Variants in ZNF814 observed in about 807,000 individuals in gnomAD.
ZNF814 encodes zinc finger protein 814.
In ZNF814, 5 loss-of-function variants were observed where a neutral mutation model predicts 7.5. The ratio of observed to expected loss-of-function variants is 0.67; its 90% CI spans 0.35 to 1.40. ZNF814 has a LOEUF of 1.40. ZNF814 is among the 40% of genes most tolerant of loss of function. The pLI, the probability that ZNF814 is intolerant of heterozygous loss-of-function variation, is 0.04. For synonymous variants in ZNF814, 315 were observed against 340.7 expected (o/e 0.92, Z 0.83); for missense variants, 962 against 1,018.0 (o/e 0.94, Z 0.75).
chr19:57,900,752 A>G, the ZNF814 span, among the ~76,000 whole-genome samples: 309 of 151,126 alleles, frequency 2.0e-3, 1 homozygote, highest in Non-Finnish European at 4.1e-3. Flanking sequence ...ATGTTAAAAA[A>G]CCTTTTTTTT....
the ZNF814 span, among the ~76,000 whole-genome samples, chr19:57,901,050 G>GGA: frequency 3.3e-5 from 5 of 151,074 alleles, no homozygotes; most frequent in African/African-American, 1.2e-4. Flanking sequence ...GGGTTTCACC[G>GGA]TGGTCTTGAT....
At chr19:57,878,109 T>C (rs948198477) in intron 1 of ZNF814, among the ~76,000 whole-genome samples, 1 of 141,778 alleles carries the variant, frequency 7.1e-6, no homozygotes, top group African/African-American at 2.7e-5. Flanking sequence ...GAAGTTGCAG[T>C]GAGCCGAGAT....
intron 1 of ZNF814, among the ~76,000 whole-genome samples, chr19:57,879,919 C>T (rs1323003061): frequency 8.2e-6 from 1 of 121,484 alleles, no homozygotes; most frequent in Admixed American, 9.1e-5. Context: ...CGGTGAAAAA[C>T]TCTGTCTCTA....
upstream of ZNF814, among the ~76,000 whole-genome samples, chr19:57,893,892 C>T (rs1041066099): frequency 6.8e-6 from 1 of 147,542 alleles, no homozygotes; most frequent in Non-Finnish European, 1.5e-5. Context: ...TGCACTCCAG[C>T]GTGGGTGGCA....
At chr19:57,878,166 CAAA>C (rs60614715) in intron 1 of ZNF814, among the ~76,000 whole-genome samples, 191 of 88,382 alleles carry the variant, frequency 2.2e-3, no homozygotes, top group African/African-American at 3.4e-3. Context: ...AACTCTGTCT[CAAA>C]AAAAAAAAAA....
chr19:57,876,567 C>G, intron 2 of ZNF814: 1 of 395,618 alleles, frequency 2.5e-6, no homozygotes, highest in Non-Finnish European at 4.5e-6. Context: ...GAAGGCAATT[C>G]CTGCCACAGG....
At chr19:57,891,835 C>T (rs980789325), upstream of ZNF814, among the ~76,000 whole-genome samples, 16 of 152,226 alleles carry the variant, frequency 1.1e-4, no homozygotes, top group African/African-American at 3.9e-4. Context: ...CTCACTGCAA[C>T]CTCCACCTCC....
At chr19:57,903,651 C>T in the ZNF814 span, among the ~76,000 whole-genome samples, 1 of 152,186 alleles carries the variant, frequency 6.6e-6, no homozygotes, top group African/African-American at 2.4e-5. Context: ...TTCAGCGAGG[C>T]AGCCAATGGG....
In ZNF814 at chr19:57,873,289, A is replaced by C. The variant is rs764880032; in HGVS notation, c.2101T>G (p.Ser701Ala). The change falls in exon 3 of 3, where the codon TCT becomes GCT. Residue 701 changes from serine (S) to alanine (A), a missense_variant. Ser to Ala is a moderately conservative substitution (Grantham distance 99, BLOSUM62 1). Coordinates refer to ENST00000435989, the MANE Select transcript of ZNF814 (RefSeq NM_001144989.2). ...RECGKLFKKK[S>A]HLLVHQRIHN... ...ATTCTCTGGTGTACAAGGAGGTGAG[A>C]CTTCTTCTTAAATAATTTTCCACAT... The C allele has an allele frequency of 1.3e-6, 2 of 1,592,342 alleles. No individual in the cohort carries two copies. Among genetic ancestry groups the C allele is most frequent in the Non-Finnish European group, 1.7e-6 (2 of 1,168,780 alleles).
At chr19:57,895,167 G>A in the ZNF814 span, among the ~76,000 whole-genome samples, 3 of 152,192 alleles carry the variant, frequency 2.0e-5, no homozygotes, top group South Asian at 6.2e-4. Flanking sequence ...TTACTGAGAG[G>A]GGCCTCTAAC....
rs914785725 is a variant in ZNF814 at position 57,889,001 on chromosome 19, A to G, written c.-199T>C. ...CCACAGTGCGGACCTAGCGCTCAGG[A>G]GCCTCTCCTACAAATAAATCCAACA... On this transcript the variant is annotated 5_prime_UTR_variant, in exon 1 of 3. Transcript: ENST00000435989. 3.4e-6 allele frequency: 2 copies of G among 588,306 alleles called. No individual in the cohort carries two copies. The highest frequency in any genetic ancestry group is 2.2e-5 in the South Asian group (1 of 44,556). 36.4% of individuals were successfully genotyped at this position (588,306 alleles called of 1,614,324 possible).
intron 1 of ZNF814, among the ~76,000 whole-genome samples, chr19:57,887,667 C>T (rs2071703833): frequency 6.6e-6 from 1 of 152,150 alleles, no homozygotes; most frequent in Non-Finnish European, 1.5e-5. Context: ...ACATTAAGGA[C>T]TCCTTACCCA....
At chr19:57,901,688 G>A in the ZNF814 span, 8 of 274,478 alleles carry the variant, frequency 2.9e-5, no homozygotes, top group Non-Finnish European at 4.0e-5. Context: ...GGACAAATCA[G>A]GAAACTGGCA....
chr19:57,884,495 G>C (rs2071673526), intron 1 of ZNF814, among the ~76,000 whole-genome samples: 1 of 152,158 alleles, frequency 6.6e-6, no homozygotes, highest in South Asian at 2.1e-4. Context: ...CATGCCTGTG[G>C]TGGTCCCTGC....
rs1020806477 is a variant in ZNF814 at position 57,871,184 on chromosome 19, A to G, written c.*1638T>C. 6.6e-6 allele frequency: 1 copy of G among 152,226 alleles called. No individual in the cohort carries two copies. The highest frequency in any genetic ancestry group is 1.5e-5 in the Non-Finnish European group (1 of 68,046). 9.4% of individuals were successfully genotyped at this position (152,226 alleles called of 1,614,324 possible). Reference sequence around the variant, plus strand: ...TGGGCAACAGACTTCCCTCAGCCGTACCAAGTACAATGCAATATACCTCGT... The same window carrying G: ...TGGGCAACAGACTTCCCTCAGCCGTGCCAAGTACAATGCAATATACCTCGT... On this transcript the variant is annotated 3_prime_UTR_variant, in exon 3 of 3. Transcript: ENST00000435989.
At chr19:57,890,738 G>C (rs879918938), upstream of ZNF814, among the ~76,000 whole-genome samples, 1 of 152,084 alleles carries the variant, frequency 6.6e-6, no homozygotes, top group Admixed American at 6.6e-5. Context: ...ACAGTCTTGT[G>C]GCCCCTGGCT....
the ZNF814 span, among the ~76,000 whole-genome samples, chr19:57,898,714 G>A: frequency 2.6e-5 from 4 of 152,158 alleles, no homozygotes; most frequent in Non-Finnish European, 5.9e-5. Context: ...AGGCCGAGGC[G>A]GGTGGATGGC....
the ZNF814 span, chr19:57,900,621 A>G: frequency 1.3e-5 from 2 of 152,094 alleles, no homozygotes; most frequent in African/African-American, 2.4e-5. Context: ...TCCAAATTCC[A>G]TCTGTCAGAT....
chr19:57,877,339 A>G (rs7245531), intron 1 of ZNF814, among the ~76,000 whole-genome samples: 72,600 of 151,980 alleles, frequency 0.48, 19,601 homozygotes, highest in African/African-American at 0.73. Flanking sequence ...CTCTCTGAAC[A>G]CACCTCATTC....
Sources: allele counts gnomAD v4.1 joint callset (sites outside exome capture counted in the v4.1 genomes callset), GRCh38; gene constraint gnomAD v4.1.1; transcripts MANE v1.5; gene names NCBI Gene and HGNC (gene_info 2026-07-23, HGNC 2026-07-21).